Variants in ROBO1 observed in about 807,000 individuals in gnomAD.
ROBO1 encodes the protein roundabout guidance receptor 1, also known as roundabout homolog 1.
ROBO1 carries 149 observed loss-of-function variants against 195.9 expected under a neutral mutation model. The observed-to-expected ratio is 0.76, with a 90% CI of 0.67 to 0.87. The LOEUF is 0.87. ROBO1 is among the 40% of genes least tolerant of loss of function. The pLI, the probability that ROBO1 is intolerant of heterozygous loss-of-function variation, is 0.00. For missense variants in ROBO1, 1,933 were observed against 2,068.3 expected, an observed-to-expected ratio of 0.93 and a Z score of 1.27; for synonymous variants, 816 against 733.2, an observed-to-expected ratio of 1.11 and a Z score of -1.82.
intron 23 of ROBO1, among the ~76,000 whole-genome samples, chr3:78,634,896 G>A (rs1224632604): frequency 1.3e-5 from 2 of 151,942 alleles, no homozygotes; most frequent in Admixed American, 1.3e-4. Context: ...GTGATAAATC[G>A]CATTTTCAAA....
chr3:79,466,991 A>T (rs1482905275), intron 2 of ROBO1, among the ~76,000 whole-genome samples: 1 of 152,188 alleles, frequency 6.6e-6, no homozygotes, highest in Non-Finnish European at 1.5e-5. Flanking sequence ...AAAAGAACAC[A>T]AAATGAAGGC....
At chr3:79,218,313 A>T (rs749589521) in intron 2 of ROBO1, among the ~76,000 whole-genome samples, 69 of 152,066 alleles carry the variant, frequency 4.5e-4, no homozygotes, top group Non-Finnish European at 9.6e-4. Flanking sequence ...GGATTCCCCT[A>T]TGGAAGGAAT....
chr3:78,936,121 T>C (rs953918734), intron 4 of ROBO1, among the ~76,000 whole-genome samples: 3 of 152,122 alleles, frequency 2.0e-5, no homozygotes, highest in African/African-American at 4.8e-5. Flanking sequence ...GGTGCATTAC[T>C]TCAACTTAAA....
At chr3:79,344,818 T>C (rs534719639) in intron 2 of ROBO1, among the ~76,000 whole-genome samples, 22 of 152,130 alleles carry the variant, frequency 1.4e-4, no homozygotes, top group African/African-American at 4.6e-4. Flanking sequence ...AGGGAAGCAT[T>C]TGGACTCTGG....
chr3:78,711,427 CTTT>C lies in ROBO1; in HGVS notation c.1045+2967_1045+2969del, dbSNP rs1559773906. Among the ~76,000 whole-genome samples the C allele has an allele frequency of 1.7e-3, 192 of 110,806 alleles. 9 individuals carry two copies. Among genetic ancestry groups the C allele is most frequent in the African/African-American group, 6.9e-3 (174 of 25,336 alleles). 72.7% of individuals were successfully genotyped at this position (110,806 alleles called of 152,430 possible). A position where few individuals can be genotyped will look rare whatever the true frequency, so the allele number is the denominator to read the frequency against. Reference sequence around the variant, plus strand: ...TCTTTCTTTCTTTCTTTCTTTCTTTCTTTCTTTCTTTCTTTCCTTCCTTCCTTC... The same window carrying C: ...TCTTTCTTTCTTTCTTTCTTTCTTTCCTTTCTTTCTTTCCTTCCTTCCTTC... On this transcript the variant is annotated intron_variant, in intron 8 of 30. Coordinates refer to ENST00000464233, the MANE Select transcript of ROBO1 (RefSeq NM_002941.4).
At chr3:78,684,630 G>T (rs2081010492) in intron 10 of ROBO1, among the ~76,000 whole-genome samples, 1 of 152,034 alleles carries the variant, frequency 6.6e-6, no homozygotes, top group Non-Finnish European at 1.5e-5. Flanking sequence ...GAATTAGTAG[G>T]CTGTTACAAT....
intron 3 of ROBO1, among the ~76,000 whole-genome samples, chr3:78,944,739 G>A (rs1449119468): frequency 6.6e-6 from 1 of 152,218 alleles, no homozygotes; most frequent in Non-Finnish European, 1.5e-5. Context: ...GAAGCGCAAG[G>A]GGTCAGGGAA....
chr3:79,152,404 A>G (rs1472199348), intron 2 of ROBO1, among the ~76,000 whole-genome samples: 1 of 151,810 alleles, frequency 6.6e-6, no homozygotes, highest in Non-Finnish European at 1.5e-5. Flanking sequence ...GGACAGAGAA[A>G]AGACTAAGGT....
chr3:78,668,183 T>A lies in ROBO1; in HGVS notation c.1750A>T (p.Asn584Tyr). 1.9e-6 allele frequency: 3 copies of A among 1,613,482 alleles called. No individual in the cohort carries two copies. Among genetic ancestry groups the A allele is most frequent in the South Asian group, 2.2e-5 (2 of 91,072 alleles). Residue 584 changes from asparagine to tyrosine, a missense_variant, in exon 13 of 31, where the codon AAT (asparagine) becomes TAT (tyrosine). Coordinates refer to ENST00000464233, the MANE Select transcript of ROBO1 (RefSeq NM_002941.4). ...GTTGGAGTTGCTCCTGAATTCAAAT[T>A]TGGTTGCCACGATAATGTGACTGTA... is the stretch of plus-strand genomic sequence containing the variant. ...RNTVTLSWQPNLNSGATPTSY... is the reference protein window; with the variant it reads ...RNTVTLSWQPYLNSGATPTSY...
At chr3:78,833,290 G>A (rs951666864) in intron 4 of ROBO1, among the ~76,000 whole-genome samples, 1 of 152,066 alleles carries the variant, frequency 6.6e-6, no homozygotes, top group South Asian at 2.1e-4. Flanking sequence ...AATTAGAGGT[G>A]GGGAATAGGA....
intron 21 of ROBO1, among the ~76,000 whole-genome samples, chr3:78,642,460 AG>A (rs895636546): frequency 6.6e-6 from 1 of 152,200 alleles, no homozygotes. Flanking sequence ...GCCAAGGGCT[AG>A]ATCTCAGAAT....
At chr3:79,508,301 A>T (rs940378507) in intron 2 of ROBO1, among the ~76,000 whole-genome samples, 1 of 152,160 alleles carries the variant, frequency 6.6e-6, no homozygotes, top group Admixed American at 6.5e-5. Context: ...CAAACACAAA[A>T]GGAAGACCAT....
chr3:79,005,297 C>G (rs938725781), intron 3 of ROBO1, among the ~76,000 whole-genome samples: 1 of 152,174 alleles, frequency 6.6e-6, no homozygotes, highest in Non-Finnish European at 1.5e-5. Flanking sequence ...CATATGATTC[C>G]TGAGCTGTAG....
intron 1 of ROBO1, among the ~76,000 whole-genome samples, chr3:79,639,951 T>C (rs1945608120): frequency 6.6e-6 from 1 of 152,224 alleles, no homozygotes; most frequent in African/African-American, 2.4e-5. Context: ...CAGTAGCTTG[T>C]AAGAGTTAAA....
intron 1 of ROBO1, among the ~76,000 whole-genome samples, chr3:79,713,883 T>C (rs1702374542): frequency 6.6e-6 from 1 of 152,194 alleles, no homozygotes; most frequent in African/African-American, 2.4e-5. Context: ...TTGTCAGGTT[T>C]GTCAGAGATC....
intron 2 of ROBO1, among the ~76,000 whole-genome samples, chr3:79,204,695 A>G (rs1310347282): frequency 1.3e-5 from 2 of 152,094 alleles, no homozygotes; most frequent in Non-Finnish European, 2.9e-5. Context: ...ACTCCTTCCA[A>G]CATTTGGCAT....
intron 2 of ROBO1, among the ~76,000 whole-genome samples, chr3:79,245,715 G>A (rs963838579): frequency 6.6e-6 from 1 of 151,810 alleles, no homozygotes; most frequent in East Asian, 1.9e-4. Context: ...TAGGAAAACT[G>A]CCTGTTCCTT....
intron 1 of ROBO1, among the ~76,000 whole-genome samples, chr3:79,674,480 G>GA (rs907765075): frequency 6.6e-6 from 1 of 151,716 alleles, no homozygotes; most frequent in South Asian, 2.1e-4. Context: ...ATAAAAAATG[G>GA]AAAAAATAGA....
chr3:78,765,828 T>G (rs2083216858), intron 4 of ROBO1, among the ~76,000 whole-genome samples: 2 of 152,192 alleles, frequency 1.3e-5, no homozygotes, highest in Admixed American at 1.3e-4. Context: ...TTAAAATGTG[T>G]CCGAGTAAAT....
Sources: gnomAD v4.1 joint callset for allele counts (sites outside exome capture counted in the v4.1 genomes callset) on GRCh38, gnomAD v4.1.1 for gene constraint, MANE v1.5 for transcripts, NCBI Gene and HGNC (gene_info 2026-07-23, HGNC 2026-07-21) for gene names.